The following SYT4 variants were observed in gnomAD, a reference collection of about 807,000 sequenced individuals.
The protein encoded by SYT4 is synaptotagmin 4.
In SYT4, 7 loss-of-function variants were observed where a neutral mutation model predicts 32.9. The ratio of observed to expected loss-of-function variants is 0.21; its 90% confidence interval spans 0.12 to 0.40. SYT4 has a LOEUF of 0.40. SYT4 is among the 10% of genes least tolerant of loss of function. The pLI is 1.00. For missense variants in SYT4, 480 were observed against 488.0 expected (o/e 0.98, Z 0.16); for synonymous variants, 205 against 186.2 (o/e 1.10, Z -0.82).
intron 1 of SYT4, 60 bp downstream of exon 1, chr18:43,277,188 A>G: frequency 6.3e-7 from 1 of 1,598,380 alleles, no homozygotes; most frequent in Non-Finnish European, 8.5e-7. Context: ...AAATGAATAA[A>G]CAGTCCACCC....
intron 3 of SYT4, among the ~76,000 whole-genome samples, chr18:43,271,423 A>C (rs1328337471): frequency 6.6e-6 from 1 of 152,172 alleles, no homozygotes; most frequent in African/African-American, 2.4e-5. Context: ...CAGTTTGTAC[A>C]GTTTAAGAAA....
At chr18:43,277,101 A>T (rs544661589) in intron 1 of SYT4, 147 bp downstream of exon 1, 1 of 938,244 alleles carries the variant, frequency 1.1e-6, no homozygotes, top group East Asian at 2.7e-5. Context: ...ATAAGCCACA[A>T]TTGCCTGACT....
Position 43,274,269 on chromosome 18 carries a change from C to T in SYT4, c.160G>A (p.Val54Met), listed in dbSNP as rs1454224267. 1 of 1,613,932 alleles carries T rather than the reference C, an allele frequency of 6.2e-7. No homozygotes were observed. The part of the protein sequence containing the change: ...KSNKTPPYKF[V>M]HVLKGVDIYP... ...ATATCAACTCCCTTAAGCACATGCACAAACTTGTATGGAGGAGTCTTGTTA... is the reference window on the plus strand; with the variant it reads ...ATATCAACTCCCTTAAGCACATGCATAAACTTGTATGGAGGAGTCTTGTTA... The change falls in exon 2 of 4, where the codon GTG becomes ATG. Residue 54 changes from valine to methionine, a missense_variant. Val to Met is a conservative substitution (Grantham distance 21, BLOSUM62 1). Transcript: ENST00000255224.
In SYT4 at chr18:43,269,974, T is replaced by G. The variant is rs2144363889; in HGVS notation, c.*367A>C. 5.4e-6 allele frequency: 1 copy of G among 185,598 alleles called. No individual in the cohort carries two copies. The highest frequency in any genetic ancestry group is 1.4e-4 in the East Asian group (1 of 7,332). 11.5% of individuals were successfully genotyped at this position (185,598 alleles called of 1,614,324 possible). A position where few individuals can be genotyped will look rare whatever the true frequency, so the allele number is the denominator to read the frequency against. On this transcript the variant is annotated 3_prime_UTR_variant, in exon 4 of 4. Coordinates refer to ENST00000255224, the MANE Select transcript of SYT4 (RefSeq NM_020783.4). ...TAAATTTTCACAAGGCAAGGCATAC[T>G]TTTCGTTTTTAAATCTTAATCACAT... is the stretch of plus-strand genomic sequence containing the variant.
rs1168924585 is a variant in SYT4 at position 43,268,979 on chromosome 18, T to A, written c.*1362A>T. On this transcript the variant is annotated 3_prime_UTR_variant, in exon 4 of 4. Transcript: ENST00000255224. ...ACTTGCATATTTAATAATTCAACTGTACTCAAGTTCCACTCATACTTCTCT... is the reference window on the plus strand; with the variant it reads ...ACTTGCATATTTAATAATTCAACTGAACTCAAGTTCCACTCATACTTCTCT... 1 of 152,464 alleles carries A rather than the reference T, an allele frequency of 6.6e-6. No individual in the cohort carries two copies. Among genetic ancestry groups the A allele is most frequent in the Non-Finnish European group, 1.5e-5 (1 of 68,038 alleles). The allele number at this position is 152,464 out of a possible 1,614,324, so 9.4% of individuals were successfully genotyped here. A position where few individuals can be genotyped will look rare whatever the true frequency, so the allele number is the denominator to read the frequency against.
At chr18:43,272,294 C>T (rs1908655540) in intron 2 of SYT4, 1 of 152,226 alleles carries the variant, frequency 6.6e-6, no homozygotes, top group Admixed American at 6.6e-5. Flanking sequence ...TTCTTTAGCA[C>T]CGACATATTG....
Position 43,270,517 on chromosome 18 carries a change from C to T in SYT4, c.1102G>A (p.Glu368Lys), listed in dbSNP as rs1361858651. The change falls in exon 4 of 4, where the codon GAA (glutamate) becomes AAA (lysine). Residue 368 changes from glutamate to lysine, a missense_variant. Transcript: ENST00000255224. ...FVFDIPCEGL[E>K]DISVEFLVLD... ...ACCAAAAATTCAACACTTATATCTT[C>T]AAGGCCCTCACAAGGAATATCAAAG... 1 of 1,614,068 alleles carries T rather than the reference C, an allele frequency of 6.2e-7. No individual in the cohort carries two copies. The highest frequency in any genetic ancestry group is 8.5e-7 in the Non-Finnish European group (1 of 1,179,992).
At position 43,270,210 on chromosome 18, in the gene SYT4, A is replaced by G; in HGVS notation, c.*131T>C. 4 of 935,672 alleles carry G rather than the reference A, an allele frequency of 4.3e-6. No homozygotes were observed. The highest frequency in any genetic ancestry group is 3.2e-5 in the South Asian group (2 of 61,654). The allele number at this position is 935,672 out of a possible 1,614,324, so 58.0% of individuals were successfully genotyped here. A position where few individuals can be genotyped will look rare whatever the true frequency, so the allele number is the denominator to read the frequency against. ...AGTTACTTTCTGGTCTACTAATTCA[A>G]TCCATTTCTAGCAACAACAACAACA... On this transcript the variant is annotated 3_prime_UTR_variant, in exon 4 of 4. Transcript: ENST00000255224.
rs74875974 is a variant in SYT4, at chr18:43,270,014, A to T, written c.*327T>A. ...CTTAATCACATTAACTTTTTGTGAC[A>T]TGTTCCAATGAGATTGTCACATTTA... On this transcript the variant is annotated 3_prime_UTR_variant, in exon 4 of 4. Transcript: ENST00000255224. 0.01 allele frequency: 2,487 copies of T among 239,034 alleles called. 48 individuals carry two copies. Among genetic ancestry groups the T allele is most frequent in the African/African-American group, 0.043 (1,939 of 44,588 alleles). 14.8% of individuals were successfully genotyped at this position (239,034 alleles called of 1,614,324 possible). A position where few individuals can be genotyped will look rare whatever the true frequency, so the allele number is the denominator to read the frequency against.
intron 2 of SYT4, among the ~76,000 whole-genome samples, chr18:43,272,676 G>T (rs1908666150): frequency 6.6e-6 from 1 of 152,116 alleles, no homozygotes; most frequent in Non-Finnish European, 1.5e-5. Flanking sequence ...AGCTGTATAA[G>T]TAGGCACTCT....
At position 43,275,781 on chromosome 18, in the gene SYT4, C is replaced by T. The variant is rs1414608395; in HGVS notation, c.35-1387G>A. On this transcript the variant is annotated intron_variant, in intron 1 of 3. Coordinates refer to ENST00000255224, the MANE Select transcript of SYT4 (RefSeq NM_020783.4). ...TAAAGATGAAATAAACCTTTGACTT[C>T]TCCAGGTGGAAAAAAGAAACAGTGA... 2.6e-5 allele frequency among the ~76,000 whole-genome samples: 4 copies of T among 152,182 alleles called. No individual in the cohort carries two copies. In the East Asian group the frequency reaches 7.7e-4, roughly 29 times the overall value.
At chr18:43,272,626 C>T (rs1449827897) in intron 2 of SYT4, among the ~76,000 whole-genome samples, 1 of 152,088 alleles carries the variant, frequency 6.6e-6, no homozygotes, top group East Asian at 1.9e-4. Flanking sequence ...TGACACAAAA[C>T]TAAAACTGCA....
In SYT4 at chr18:43,270,274, T is replaced by C; in HGVS notation, c.*67A>G. The C allele has an allele frequency of 6.5e-7, 1 of 1,529,134 alleles. No individual in the cohort carries two copies. Among genetic ancestry groups the C allele is most frequent in the Non-Finnish European group, 8.9e-7 (1 of 1,128,794 alleles). The allele number at this position is 1,529,134 out of a possible 1,614,324, so 94.7% of individuals were successfully genotyped here. ...TTGATTTCCCAAGCTTGCAATCCAATATAGAAAGAAAGAAAATTTCTCCTT... is the reference window on the plus strand; with the variant it reads ...TTGATTTCCCAAGCTTGCAATCCAACATAGAAAGAAAGAAAATTTCTCCTT... On this transcript the variant is annotated 3_prime_UTR_variant, in exon 4 of 4. Coordinates refer to ENST00000255224, the MANE Select transcript of SYT4 (RefSeq NM_020783.4).
In SYT4 at chr18:43,270,413, T is replaced by C; in HGVS notation, c.1206A>G (p.Gly402=). ...VLGAAAEGTG[G]EHWKEICDYP... ...AGTCACAGATCTCTTTCCAGTGCTC[T>C]CCACCAGTTCCTTCTGCTGCTGCAC... is the stretch of plus-strand genomic sequence containing the variant. Residue 402 remains glycine (G), a synonymous_variant, in exon 4 of 4, where the codon GGA becomes GGG. Coordinates refer to ENST00000255224, the MANE Select transcript of SYT4 (RefSeq NM_020783.4). 6.2e-7 allele frequency: 1 copy of C among 1,614,116 alleles called. No individual in the cohort carries two copies. Among genetic ancestry groups the C allele is most frequent in the Non-Finnish European group, 8.5e-7 (1 of 1,179,978 alleles).
At chr18:43,273,038 C>G (rs562151642) in intron 2 of SYT4, among the ~76,000 whole-genome samples, 1 of 152,164 alleles carries the variant, frequency 6.6e-6, no homozygotes, top group Admixed American at 6.6e-5. Context: ...AGTAGTGTAA[C>G]TACAAAAATA....
At position 43,269,516 on chromosome 18, in the gene SYT4, A is replaced by G. The variant is rs1218906958; in HGVS notation, c.*825T>C. 1.3e-5 allele frequency: 2 copies of G among 152,682 alleles called. No individual in the cohort carries two copies. Among genetic ancestry groups the G allele is most frequent in the South Asian group, 2.1e-4 (1 of 4,826 alleles). 9.5% of individuals were successfully genotyped at this position (152,682 alleles called of 1,614,324 possible). ...CTAACTGGATTTCTAGTTGAAGTTT[A>G]TTTCTTTATTCACTAACTAATTCAA... On this transcript the variant is annotated 3_prime_UTR_variant, in exon 4 of 4. Transcript: ENST00000255224.
rs1296849690 is a variant in SYT4 at position 43,269,886 on chromosome 18, A to G, written c.*455T>C. ...AGAATTAATAAATACAAACTGGAGGACATTTTTTTAGTATCTTTGGATTTA... is the reference window on the plus strand; with the variant it reads ...AGAATTAATAAATACAAACTGGAGGGCATTTTTTTAGTATCTTTGGATTTA... On this transcript the variant is annotated 3_prime_UTR_variant, in exon 4 of 4. Coordinates refer to ENST00000255224, the MANE Select transcript of SYT4 (RefSeq NM_020783.4). 1 of 164,336 alleles carries G rather than the reference A, an allele frequency of 6.1e-6. No homozygotes were observed. Among genetic ancestry groups the G allele is most frequent in the Non-Finnish European group, 1.3e-5 (1 of 74,828 alleles). The allele number at this position is 164,336 out of a possible 1,614,324, so 10.2% of individuals were successfully genotyped here.
chr18:43,275,193 T>G (rs1908755505), intron 1 of SYT4, among the ~76,000 whole-genome samples: 1 of 152,106 alleles, frequency 6.6e-6, no homozygotes, highest in South Asian at 2.1e-4. Context: ...AGAGTTCAAT[T>G]TTATCTATAA....
chr18:43,272,737 C>A (rs925450834), intron 2 of SYT4, among the ~76,000 whole-genome samples: 2 of 152,078 alleles, frequency 1.3e-5, no homozygotes, highest in African/African-American at 4.8e-5. Context: ...TATCACTTAA[C>A]CAGCCGGGTG....
Sources: allele counts gnomAD v4.1 joint callset (sites outside exome capture counted in the v4.1 genomes callset), GRCh38; gene constraint gnomAD v4.1.1; transcripts MANE v1.5; gene names NCBI Gene and HGNC (gene_info 2026-07-23, HGNC 2026-07-21).